B3GALT1: variants seen among roughly 807,000 people sequenced by gnomAD.
B3GALT1 encodes beta-1,3-galactosyltransferase 1, also known as UDP-Gal:betaGlcNAc beta 1,3-galactosyltransferase, polypeptide 1.
In B3GALT1, 10 loss-of-function variants were observed where a neutral mutation model predicts 23.2. The ratio of observed to expected loss-of-function variants is 0.43; its 90% CI spans 0.27 to 0.73. The LOEUF (loss-of-function observed/expected upper bound fraction) is 0.73. B3GALT1 is among the 30% of genes least tolerant of loss of function. The pLI is 0.21. For missense variants in B3GALT1, 299 were observed against 405.4 expected (o/e 0.74, Z 2.25); for synonymous variants, 156 against 141.5 (o/e 1.10, Z -0.73).
chr2:167,600,890 C>T (rs13422889), intron 2 of B3GALT1, among the ~76,000 whole-genome samples: 4 of 151,446 alleles, frequency 2.6e-5, no homozygotes, highest in South Asian at 4.2e-4. Context: ...TTTGTATAAA[C>T]GCATGTTTTT....
intron 1 of B3GALT1, among the ~76,000 whole-genome samples, chr2:167,360,436 C>A (rs969675242): frequency 6.6e-6 from 1 of 152,108 alleles, no homozygotes; most frequent in African/African-American, 2.4e-5. Context: ...AACATCTAGT[C>A]AGTAGGAGCG....
chr2:167,505,978 T>G (rs529860088), intron 2 of B3GALT1, among the ~76,000 whole-genome samples: 1 of 152,166 alleles, frequency 6.6e-6, no homozygotes, highest in South Asian at 2.1e-4. Context: ...GAGAATCACT[T>G]GAACCCAGGA....
chr2:167,539,809 A>G (rs6433001), intron 2 of B3GALT1, among the ~76,000 whole-genome samples: 24,330 of 151,962 alleles, frequency 0.16, 3,295 homozygotes, highest in African/African-American at 0.36. Context: ...AGGAAATAAC[A>G]AGATATAATT....
At chr2:167,424,501 G>T (rs1475538917) in intron 1 of B3GALT1, among the ~76,000 whole-genome samples, 11 of 152,230 alleles carry the variant, frequency 7.2e-5, no homozygotes, top group Admixed American at 2.0e-4. Flanking sequence ...ATCCAAGGAA[G>T]AGCTTTTTTT....
intron 4 of B3GALT1, among the ~76,000 whole-genome samples, chr2:167,846,841 C>T (rs979402437): frequency 1.3e-5 from 2 of 152,176 alleles, no homozygotes; most frequent in South Asian, 2.1e-4. Context: ...AACTCACCAA[C>T]TAACCATCTG....
chr2:167,316,108 ATAGAGAT>A (rs1696713656), intron 1 of B3GALT1, among the ~76,000 whole-genome samples: 1 of 152,126 alleles, frequency 6.6e-6, no homozygotes, highest in African/African-American at 2.4e-5. Flanking sequence ...GTGAGAACTG[ATAGAGAT>A]AGAGGGGAAA....
chr2:167,380,986 T>G (rs983507606), intron 1 of B3GALT1, among the ~76,000 whole-genome samples: 1 of 152,188 alleles, frequency 6.6e-6, no homozygotes, highest in Non-Finnish European at 1.5e-5. Flanking sequence ...TCTTGCTGTT[T>G]CCAAGTGGTT....
intron 3 of B3GALT1, among the ~76,000 whole-genome samples, chr2:167,693,786 T>G (rs924733802): frequency 9.2e-5 from 14 of 152,132 alleles, no homozygotes; most frequent in Admixed American, 3.9e-4. Context: ...ACTCCATGAT[T>G]CTGAACCATC....
intron 2 of B3GALT1, among the ~76,000 whole-genome samples, chr2:167,564,682 G>T (rs1031880260): frequency 6.6e-6 from 1 of 152,150 alleles, no homozygotes; most frequent in East Asian, 1.9e-4. Context: ...CCAACACAGC[G>T]AATCCAAATC....
rs182543106 is a variant in B3GALT1 at position 167,835,078 on chromosome 2, C to A, written c.-230+16285C>A. Among the ~76,000 whole-genome samples the A allele has an allele frequency of 2.7e-3, 414 of 152,254 alleles. 6 individuals are homozygous for A. Among genetic ancestry groups the A allele is most frequent in the African/African-American group, 9.6e-3 (399 of 41,546 alleles). ...CAAGCTGGCCAAATAGGAACAGCTC[C>A]GGTCTACAGCTCCCAGCATGAGCGA... is the stretch of plus-strand genomic sequence containing the variant. On this transcript the variant is annotated intron_variant, in intron 4 of 4. Coordinates refer to ENST00000392690, the MANE Select transcript of B3GALT1 (RefSeq NM_020981.4).
At chr2:167,817,359 T>C (rs550583400) in intron 3 of B3GALT1, among the ~76,000 whole-genome samples, 91 of 152,356 alleles carry the variant, frequency 6.0e-4, no homozygotes, top group African/African-American at 2.1e-3. Context: ...CTAGCTAACG[T>C]TGATGACTAC....
intron 2 of B3GALT1, among the ~76,000 whole-genome samples, chr2:167,493,649 A>G (rs1186359359): frequency 6.6e-6 from 1 of 152,164 alleles, no homozygotes; most frequent in Non-Finnish European, 1.5e-5. Flanking sequence ...ATTTTCTATA[A>G]AAGACGGACT....
chr2:167,738,534 A>C (rs1256598015), intron 3 of B3GALT1, among the ~76,000 whole-genome samples: 1 of 152,348 alleles, frequency 6.6e-6, no homozygotes, highest in African/African-American at 2.4e-5. Flanking sequence ...AGTTGTTAGA[A>C]GTCACCACAA....
intron 2 of B3GALT1, among the ~76,000 whole-genome samples, chr2:167,514,443 A>C (rs1179757943): frequency 6.6e-6 from 1 of 152,184 alleles, no homozygotes; most frequent in Non-Finnish European, 1.5e-5. Flanking sequence ...AACAGGAAGA[A>C]TATCCCTTCT....
At chr2:167,837,280 C>T (rs1459349480) in intron 4 of B3GALT1, among the ~76,000 whole-genome samples, 2 of 152,066 alleles carry the variant, frequency 1.3e-5, no homozygotes, top group Non-Finnish European at 2.9e-5. Flanking sequence ...ATTCAGGAAA[C>T]CCATCTCACG....
chr2:167,773,053 A>C (rs903362599), intron 3 of B3GALT1, among the ~76,000 whole-genome samples: 2 of 152,152 alleles, frequency 1.3e-5, no homozygotes, highest in African/African-American at 4.8e-5. Flanking sequence ...AGAAATGATA[A>C]ATGTTTGTTG....
chr2:167,310,584 C>T (rs1012587347), intron 1 of B3GALT1, among the ~76,000 whole-genome samples: 1 of 151,970 alleles, frequency 6.6e-6, no homozygotes, highest in Admixed American at 6.6e-5. Context: ...CAATCTGGCT[C>T]CTGGAATGGC....
intron 3 of B3GALT1, among the ~76,000 whole-genome samples, chr2:167,799,638 A>T (rs1057154979): frequency 6.6e-6 from 1 of 152,206 alleles, no homozygotes; most frequent in African/African-American, 2.4e-5. Flanking sequence ...ATATAAACAG[A>T]GAGTTTGAAC....
intron 4 of B3GALT1, among the ~76,000 whole-genome samples, chr2:167,824,197 A>C (rs573358430): frequency 1.3e-5 from 2 of 152,370 alleles, no homozygotes; most frequent in Admixed American, 6.5e-5. Context: ...TCTAGAAAGC[A>C]AGGGGAAAAC....
Sources: allele counts gnomAD v4.1 joint callset (sites outside exome capture counted in the v4.1 genomes callset), GRCh38; gene constraint gnomAD v4.1.1; transcripts MANE v1.5; gene names NCBI Gene and HGNC (gene_info 2026-07-23, HGNC 2026-07-21).